Variants in CNTN5 observed in about 807,000 individuals in gnomAD.
CNTN5 encodes the protein contactin-5.
CNTN5 carries 77 observed loss-of-function variants against 129.1 expected under a neutral mutation model. The ratio of observed to expected loss-of-function variants is 0.60; its 90% CI spans 0.50 to 0.72. The LOEUF (loss-of-function observed/expected upper bound fraction) is 0.72. CNTN5 is among the 30% of genes least tolerant of loss of function. The pLI, the probability that CNTN5 is intolerant of heterozygous loss-of-function variation, is 0.00. For synonymous variants in CNTN5, 509 were observed against 465.6 expected (o/e 1.09, Z -1.20); for missense variants, 1,478 against 1,328.8 (o/e 1.11, Z -1.75).
chr11:100,104,094 CTT>C (rs1040980175), intron 13 of CNTN5, among the ~76,000 whole-genome samples: 14 of 132,068 alleles, frequency 1.1e-4, no homozygotes, highest in African/African-American at 1.1e-4. Flanking sequence ...GAAAACGTCA[CTT>C]TTTTTTTTTT....
intron 9 of CNTN5, among the ~76,000 whole-genome samples, chr11:100,037,173 C>T (rs1942067433): frequency 8.5e-6 from 1 of 116,996 alleles, no homozygotes; most frequent in East Asian, 2.9e-4. Context: ...GAGTTTTTAG[C>T]ATGAAGGTTG....
chr11:100,065,020 A>G (rs554738924), intron 10 of CNTN5, among the ~76,000 whole-genome samples: 1 of 152,250 alleles, frequency 6.6e-6, no homozygotes, highest in South Asian at 2.1e-4. Context: ...TTGTCACTCT[A>G]TAAAGACGGT....
At chr11:99,126,326 T>C (rs1858631666) in intron 1 of CNTN5, among the ~76,000 whole-genome samples, 1 of 152,210 alleles carries the variant, frequency 6.6e-6, no homozygotes, top group Non-Finnish European at 1.5e-5. Flanking sequence ...CCCAAATCTC[T>C]GCTGCCTTCA....
intron 1 of CNTN5, among the ~76,000 whole-genome samples, chr11:99,074,580 G>A (rs1335793040): frequency 3.3e-5 from 5 of 152,136 alleles, no homozygotes; most frequent in Admixed American, 2.0e-4. Flanking sequence ...CTTGGCTCAA[G>A]TAAACTTCAG....
At chr11:100,038,354 C>A (rs1351922400) in intron 9 of CNTN5, among the ~76,000 whole-genome samples, 4 of 152,088 alleles carry the variant, frequency 2.6e-5, no homozygotes, top group Non-Finnish European at 4.4e-5. Flanking sequence ...GATTTCTGTT[C>A]TTTTACATTT....
intron 2 of CNTN5, among the ~76,000 whole-genome samples, chr11:99,407,395 C>T (rs895181250): frequency 1.1e-4 from 17 of 151,972 alleles, no homozygotes; most frequent in Admixed American, 5.9e-4. Flanking sequence ...CTGACTAGTG[C>T]CCTGTCCTGC....
intron 2 of CNTN5, among the ~76,000 whole-genome samples, chr11:99,406,774 C>T (rs991340897): frequency 1.9e-4 from 29 of 152,258 alleles, no homozygotes; most frequent in African/African-American, 5.5e-4. Context: ...TAAGACACAG[C>T]TTTTTTCCGC....
chr11:99,536,490 A>G (rs1016500134), intron 2 of CNTN5, among the ~76,000 whole-genome samples: 2 of 152,126 alleles, frequency 1.3e-5, no homozygotes, highest in Admixed American at 1.3e-4. Flanking sequence ...ACAGAGTAGC[A>G]TGTAACATTG....
intron 3 of CNTN5, among the ~76,000 whole-genome samples, chr11:99,711,743 G>T (rs1189680484): frequency 2.6e-5 from 4 of 151,950 alleles, no homozygotes; most frequent in African/African-American, 4.8e-5. Context: ...TTGGTTTACT[G>T]TTCTTGTGTT....
intron 1 of CNTN5, among the ~76,000 whole-genome samples, chr11:99,135,493 C>A (rs1282286919): frequency 6.6e-6 from 1 of 152,066 alleles, no homozygotes; most frequent in South Asian, 2.1e-4. Context: ...AAAGCCAGGG[C>A]GACTGAAATC....
intron 4 of CNTN5, among the ~76,000 whole-genome samples, chr11:99,837,669 C>G (rs1947348304): frequency 7.3e-6 from 1 of 137,576 alleles, no homozygotes; most frequent in African/African-American, 2.7e-5. Context: ...CTAGCCAGTA[C>G]TTGCCACACA....
chr11:99,980,784 T>G (rs1938281150), intron 8 of CNTN5, among the ~76,000 whole-genome samples: 1 of 152,046 alleles, frequency 6.6e-6, no homozygotes, highest in Non-Finnish European at 1.5e-5. Context: ...TTAGTCCTCT[T>G]ATTATATATT....
chr11:99,894,215 T>C (rs1212160279), intron 6 of CNTN5, among the ~76,000 whole-genome samples: 3 of 152,122 alleles, frequency 2.0e-5, no homozygotes, highest in African/African-American at 7.2e-5. Context: ...ACCTGGTGCT[T>C]CATTTGTCCA....
intron 15 of CNTN5, among the ~76,000 whole-genome samples, chr11:100,223,941 A>T (rs1273040359): frequency 1.3e-5 from 2 of 152,152 alleles, no homozygotes; most frequent in Non-Finnish European, 2.9e-5. Flanking sequence ...AAGTATAGGA[A>T]CATCACCTAT....
chr11:100,345,282 C>T (rs497553), intron 23 of CNTN5, among the ~76,000 whole-genome samples: 17,894 of 152,094 alleles, frequency 0.12, 1,627 homozygotes, highest in East Asian at 0.36. Context: ...ACCGTGTCCT[C>T]ACTTGGCAGA....
At chr11:100,078,764 G>A (rs1944244974) in intron 13 of CNTN5, among the ~76,000 whole-genome samples, 1 of 152,084 alleles carries the variant, frequency 6.6e-6, no homozygotes, top group Admixed American at 6.6e-5. Context: ...AGTACTCAGT[G>A]AATGTTATGT....
chr11:99,563,441 AGGCT>A (rs1948905014), intron 3 of CNTN5, among the ~76,000 whole-genome samples: 1 of 152,210 alleles, frequency 6.6e-6, no homozygotes, highest in Non-Finnish European at 1.5e-5. Context: ...ATGTGTTTTA[AGGCT>A]GGAGAAACTG....
intron 1 of CNTN5, among the ~76,000 whole-genome samples, chr11:99,260,654 C>T (rs753645275): frequency 6.6e-6 from 1 of 151,906 alleles, no homozygotes; most frequent in Non-Finnish European, 1.5e-5. Context: ...TTCATATTCA[C>T]AATCCTCTTG....
At chr11:100,289,252 C>T (rs2138854189) in intron 18 of CNTN5, among the ~76,000 whole-genome samples, 1 of 152,240 alleles carries the variant, frequency 6.6e-6, no homozygotes, top group Non-Finnish European at 1.5e-5. Flanking sequence ...CTCCCTAACT[C>T]ATTTTATGAG....
Sources: allele counts gnomAD v4.1 joint callset (sites outside exome capture counted in the v4.1 genomes callset), GRCh38; gene constraint gnomAD v4.1.1; transcripts MANE v1.5; gene names NCBI Gene and HGNC (gene_info 2026-07-23, HGNC 2026-07-21).